Variants in ARFGEF3 observed in about 807,000 individuals in gnomAD.
ARFGEF3 encodes brefeldin A-inhibited guanine nucleotide-exchange protein 3.
A neutral mutation model predicts 221.7 loss-of-function variants in ARFGEF3; 96 were observed. The observed-to-expected ratio is 0.43, with a 90% CI of 0.37 to 0.51. The LOEUF is 0.51. Ranked by LOEUF, ARFGEF3 falls within the 20% of genes least tolerant of loss-of-function variation. ARFGEF3 has a pLI of 0.00. For missense variants in ARFGEF3, 2,410 were observed against 2,789.9 expected, an observed-to-expected ratio of 0.86 and a Z score of 3.07; for synonymous variants, 1,145 against 1,126.8, an observed-to-expected ratio of 1.02 and a Z score of -0.32.
chr6:138,343,334 G>A lies in ARFGEF3; in HGVS notation c.*6848G>A, dbSNP rs1332411957. 6.6e-6 allele frequency: 1 copy of A among 152,094 alleles called. No homozygotes were observed. The highest frequency in any genetic ancestry group is 6.6e-5 in the Admixed American group (1 of 15,260). 9.4% of individuals were successfully genotyped at this position (152,094 alleles called of 1,614,324 possible). ...TTCATTTAAATTAGTTTAGACTATT[G>A]TAGGAATGGAAGGAAATGATTATAT... On this transcript the variant is annotated 3_prime_UTR_variant, in exon 34 of 34. Transcript: ENST00000251691.
intron 2 of ARFGEF3, among the ~76,000 whole-genome samples, chr6:138,173,040 C>T (rs77006579): frequency 0.041 from 6,257 of 151,968 alleles, 149 homozygotes; most frequent in Middle Eastern, 0.092. Context: ...GCCTTTCTAG[C>T]ATTAAAATAT....
chr6:138,324,609 G>C (rs1276765981), intron 31 of ARFGEF3, among the ~76,000 whole-genome samples: 1 of 152,180 alleles, frequency 6.6e-6, no homozygotes, highest in African/African-American at 2.4e-5. Flanking sequence ...AAATTCAAGT[G>C]TATTCACTCA....
chr6:138,298,027 G>T (rs1779553979), intron 21 of ARFGEF3, among the ~76,000 whole-genome samples: 1 of 152,168 alleles, frequency 6.6e-6, no homozygotes, highest in South Asian at 2.1e-4. Context: ...CAACAACAGG[G>T]CAAACCCCAA....
intron 10 of ARFGEF3, among the ~76,000 whole-genome samples, chr6:138,258,692 C>A (rs887665305): frequency 2.2e-4 from 34 of 152,176 alleles, no homozygotes; most frequent in Non-Finnish European, 4.0e-4. Context: ...TATGTTTTCC[C>A]CTAGTATTTA....
rs914908644 is a variant in ARFGEF3 at position 138,291,595 on chromosome 6, T to A, written c.3048-138T>A. ...ACATGAGAACACAGGAGGGAAGGAC[T>A]GACTGTCATCACAGGAAAGAGGAAA... On this transcript the variant is annotated intron_variant, in intron 18 of 33. Coordinates refer to ENST00000251691, the MANE Select transcript of ARFGEF3 (RefSeq NM_020340.5). This position sits in a 1 kb window ranked among gnomAD's most constrained non-coding sequence, Gnocchi z 4.5. 1.3e-5 allele frequency: 6 copies of A among 476,270 alleles called. No individual in the cohort carries two copies. The highest frequency in any genetic ancestry group is 2.1e-5 in the Non-Finnish European group (6 of 285,076). The allele number at this position is 476,270 out of a possible 1,614,324, so 29.5% of individuals were successfully genotyped here. A position where few individuals can be genotyped will look rare whatever the true frequency, so the allele number is the denominator to read the frequency against.
chr6:138,193,284 AG>A lies in ARFGEF3; in HGVS notation c.138-13757del, dbSNP rs369425891. Among the ~76,000 whole-genome samples the A allele has an allele frequency of 1.9e-3, 284 of 152,280 alleles. 1 individual carries two copies. The highest frequency in any genetic ancestry group is 6.4e-3 in the African/African-American group (267 of 41,560). Reference sequence around the variant, plus strand: ...GTCTCCTGCAGTTCAAGGCCTAATGAGTATCACCTTTTTATGAAGACACTTG... The same window carrying A: ...GTCTCCTGCAGTTCAAGGCCTAATGATATCACCTTTTTATGAAGACACTTG... On this transcript the variant is annotated intron_variant, in intron 2 of 33. Coordinates refer to ENST00000251691, the MANE Select transcript of ARFGEF3 (RefSeq NM_020340.5).
intron 4 of ARFGEF3, among the ~76,000 whole-genome samples, chr6:138,228,420 C>T (rs760786006): frequency 2.6e-5 from 4 of 151,132 alleles, no homozygotes; most frequent in Non-Finnish European, 4.4e-5. Context: ...CTCCTAATCT[C>T]AAGTGATCCG....
intron 12 of ARFGEF3, 126 bp from the exon 13 acceptor site, chr6:138,278,325 G>C: frequency 1.2e-6 from 1 of 868,334 alleles, no homozygotes; most frequent in Middle Eastern, 2.3e-4. Flanking sequence ...CTGGCTAGCT[G>C]TCAGTGCTAT....
chr6:138,203,116 G>A (rs1777565908), intron 2 of ARFGEF3, among the ~76,000 whole-genome samples: 1 of 152,026 alleles, frequency 6.6e-6, no homozygotes. Context: ...GAAATGATAG[G>A]CACCCTCCTC....
chr6:138,191,580 A>G (rs972254523), intron 2 of ARFGEF3, among the ~76,000 whole-genome samples: 3 of 152,120 alleles, frequency 2.0e-5, no homozygotes, highest in African/African-American at 7.2e-5. Flanking sequence ...TGGAAGTTTC[A>G]TCCACTTCCA....
chr6:138,302,676 G>C (rs2114652954), intron 22 of ARFGEF3, among the ~76,000 whole-genome samples: 1 of 152,282 alleles, frequency 6.6e-6, no homozygotes, highest in South Asian at 2.1e-4. Context: ...CTAATGCTAG[G>C]ATTAATGCTA....
rs1268295972 is a variant in ARFGEF3 at position 138,342,341 on chromosome 6, T to C, written c.*5855T>C. 6.6e-6 allele frequency: 1 copy of C among 152,208 alleles called. No individual in the cohort carries two copies. The highest frequency in any genetic ancestry group is 1.5e-5 in the Non-Finnish European group (1 of 68,046). The allele number at this position is 152,208 out of a possible 1,614,324, so 9.4% of individuals were successfully genotyped here. A position where few individuals can be genotyped will look rare whatever the true frequency, so the allele number is the denominator to read the frequency against. ...CTTGAAAAAATTTCCAACTTCTACC[T>C]TTAAGATCAGCCTGACTTATCAAAC... On this transcript the variant is annotated 3_prime_UTR_variant, in exon 34 of 34. Coordinates refer to ENST00000251691, the MANE Select transcript of ARFGEF3 (RefSeq NM_020340.5).
chr6:138,194,914 G>A (rs1240019704), intron 2 of ARFGEF3, among the ~76,000 whole-genome samples: 1 of 151,344 alleles, frequency 6.6e-6, no homozygotes, highest in Non-Finnish European at 1.5e-5. Context: ...TCAGTGTTCA[G>A]GCCATAAAGC....
chr6:138,189,971 G>T (rs145343104), intron 2 of ARFGEF3, among the ~76,000 whole-genome samples: 280 of 151,660 alleles, frequency 1.8e-3, no homozygotes, highest in African/African-American at 6.4e-3. Flanking sequence ...GTAGTCTCAG[G>T]TACCTGGGAG....
chr6:138,251,044 C>T (rs950407798), intron 8 of ARFGEF3, among the ~76,000 whole-genome samples: 8 of 152,262 alleles, frequency 5.3e-5, no homozygotes, highest in African/African-American at 1.4e-4. Context: ...TGCATGGGCA[C>T]GATCATCTGT....
chr6:138,243,448 A>G (rs2114556160), intron 7 of ARFGEF3, among the ~76,000 whole-genome samples: 1 of 152,364 alleles, frequency 6.6e-6, no homozygotes. Flanking sequence ...AGACAGCCCA[A>G]TTTAAAGATC....
chr6:138,341,892 C>G lies in ARFGEF3; in HGVS notation c.*5406C>G, dbSNP rs1403567544. On this transcript the variant is annotated 3_prime_UTR_variant, in exon 34 of 34. Coordinates refer to ENST00000251691, the MANE Select transcript of ARFGEF3 (RefSeq NM_020340.5). ...CCACTCCATCATTGAAGAGAAACCA[C>G]TACCACACCACTAGCACCATACAGA... 1 of 152,174 alleles carries G rather than the reference C, an allele frequency of 6.6e-6. No individual in the cohort carries two copies. The highest frequency in any genetic ancestry group is 1.5e-5 in the Non-Finnish European group (1 of 68,036). 9.4% of individuals were successfully genotyped at this position (152,174 alleles called of 1,614,324 possible).
chr6:138,296,823 C>T lies in ARFGEF3; in HGVS notation c.3516C>T (p.Ser1172=). 6.2e-7 allele frequency: 1 copy of T among 1,613,664 alleles called. No individual in the cohort carries two copies. Among genetic ancestry groups the T allele is most frequent in the Non-Finnish European group, 8.5e-7 (1 of 1,179,784 alleles). ...GCCTTCCTGTAGGAGAAGTTAAATC[C>T]ACTCAAGACCGAAAAAGCGCCCTCC... The part of the protein sequence containing the change: ...YSLAMPGEVK[S]TQDRKSALHL... The change falls in exon 21 of 34, where the codon TCC becomes TCT. Residue 1172 remains serine (S), a synonymous_variant. Coordinates refer to ENST00000251691, the MANE Select transcript of ARFGEF3 (RefSeq NM_020340.5).
In ARFGEF3 at chr6:138,247,073, T is replaced by C. The variant is rs190028666; in HGVS notation, c.665+1482T>C. Among the ~76,000 whole-genome samples, 180 of 152,286 alleles carry C rather than the reference T, an allele frequency of 1.2e-3. 1 individual carries two copies. Among genetic ancestry groups the C allele is most frequent in the African/African-American group, 4.2e-3 (174 of 41,572 alleles). ...CAAAAAGAAATAGCACTTAACTTTT[T>C]CCCTACCCCCACCCTCAAATTTCTC... On this transcript the variant is annotated intron_variant, in intron 8 of 33. Coordinates refer to ENST00000251691, the MANE Select transcript of ARFGEF3 (RefSeq NM_020340.5).
Sources: gnomAD v4.1 joint callset for allele counts (sites outside exome capture counted in the v4.1 genomes callset) on GRCh38, gnomAD v4.1.1 for gene constraint, Gnocchi (gnomAD v3.1) non-coding constraint, MANE v1.5 for transcripts, NCBI Gene and HGNC (gene_info 2026-07-23, HGNC 2026-07-21) for gene names.